Variants in ZPLD1 observed in about 807,000 individuals in gnomAD.
ZPLD1 encodes the protein zona pellucida like domain containing 1, also known as zona pellucida-like domain-containing protein 1.
Under a neutral mutation model 47.2 loss-of-function variants are expected in ZPLD1, and 34 were observed. The observed-to-expected ratio is 0.72, with a 90% CI of 0.55 to 0.96. ZPLD1 has a LOEUF of 0.96. Among genes scored for constraint, ZPLD1 ranks in the 40% least tolerant of loss-of-function variants. ZPLD1 has a pLI of 0.00. For synonymous variants in ZPLD1, 176 were observed against 186.2 expected (o/e 0.95, Z 0.45); for missense variants, 512 against 505.8 (o/e 1.01, Z -0.12).
At chr3:102,391,472 G>GT (rs1559737946) in intron 6 of ZPLD1, among the ~76,000 whole-genome samples, 1 of 152,014 alleles carries the variant, frequency 6.6e-6, no homozygotes, top group African/African-American at 2.4e-5. Context: ...ATGATATGAT[G>GT]TGATTTCTGA....
intron 7 of ZPLD1, among the ~76,000 whole-genome samples, chr3:102,416,793 G>C (rs542041679): frequency 6.6e-6 from 1 of 151,942 alleles, no homozygotes; most frequent in East Asian, 1.9e-4. Context: ...CACTATTCGT[G>C]GGTAGAATAG....
intron 6 of ZPLD1, among the ~76,000 whole-genome samples, chr3:102,386,353 C>T (rs1054234810): frequency 3.3e-5 from 5 of 150,958 alleles, no homozygotes; most frequent in African/African-American, 1.2e-4. Context: ...AACTTTTCCT[C>T]CAGGAATGCC....
chr3:102,470,346 C>A, intron 9 of ZPLD1, 48 bp from the exon 10 acceptor site: 1 of 1,491,800 alleles, frequency 6.7e-7, no homozygotes, highest in Non-Finnish European at 9.3e-7. Context: ...CATAAAGAAA[C>A]AATTCTGCGC....
chr3:102,427,836 G>A (rs917014368), intron 8 of ZPLD1, among the ~76,000 whole-genome samples: 1 of 152,120 alleles, frequency 6.6e-6, no homozygotes, highest in African/African-American at 2.4e-5. Flanking sequence ...GGCTCCAGAA[G>A]TTGTTGGCAG....
intron 7 of ZPLD1, among the ~76,000 whole-genome samples, chr3:102,397,506 C>A (rs1462497139): frequency 2.0e-5 from 3 of 151,970 alleles, no homozygotes. Context: ...AATCTAGGTG[C>A]CTTTCTCAGC....
rs752071849 is a variant in ZPLD1 at position 102,464,207 on chromosome 3, A to G, written c.717A>G (p.Pro239=). 25 of 1,613,266 alleles carry G rather than the reference A, an allele frequency of 1.5e-5. No homozygotes were observed. In the South Asian group the frequency reaches 2.6e-4, roughly 17 times the overall value. ...NVLMDYCYTT[P]SGNPNDDIRY... ...TAATGGATTATTGCTATACTACCCC[A>G]TCAGGAAACCCAAATGATGACATTC... Residue 239 remains proline (P), a synonymous_variant, in exon 8 of 12, where the codon CCA becomes CCG. Coordinates refer to ENST00000466937, the MANE Select transcript of ZPLD1 (RefSeq NM_001329788.2).
intron 8 of ZPLD1, among the ~76,000 whole-genome samples, chr3:102,424,322 G>T (rs1391839457): frequency 6.6e-6 from 1 of 151,782 alleles, no homozygotes; most frequent in East Asian, 1.9e-4. Context: ...TTCCTTCTAG[G>T]TATCTTCATA....
intron 6 of ZPLD1, among the ~76,000 whole-genome samples, chr3:102,459,045 G>A (rs1342969478): frequency 8.2e-6 from 1 of 121,314 alleles, no homozygotes; most frequent in African/African-American, 3.2e-5. Flanking sequence ...AGCCGAGATA[G>A]CACCACTGCA....
intron 6 of ZPLD1, among the ~76,000 whole-genome samples, chr3:102,389,575 G>A (rs1706472852): frequency 6.6e-6 from 1 of 152,098 alleles, no homozygotes; most frequent in African/African-American, 2.4e-5. Context: ...TAGTACCATG[G>A]CAGCATGTTT....
chr3:102,422,191 T>A (rs1706887999), intron 8 of ZPLD1, among the ~76,000 whole-genome samples: 1 of 152,004 alleles, frequency 6.6e-6, no homozygotes, highest in Non-Finnish European at 1.5e-5. Flanking sequence ...CTCTAGTAGC[T>A]CCTAAATACG....
chr3:102,473,518 G>A (rs1707715076), intron 10 of ZPLD1, among the ~76,000 whole-genome samples: 1 of 152,062 alleles, frequency 6.6e-6, no homozygotes, highest in Admixed American at 6.6e-5. Flanking sequence ...CACCAGCAGA[G>A]CCCCCAGAGG....
intron 7 of ZPLD1, among the ~76,000 whole-genome samples, chr3:102,415,688 AG>A (rs763191963): frequency 2.6e-5 from 4 of 151,928 alleles, no homozygotes; most frequent in Non-Finnish European, 4.4e-5. Flanking sequence ...CCCATAAGCA[AG>A]ATCCTAAAGT....
At chr3:102,428,497 CAAT>C (rs1400849520) in intron 8 of ZPLD1, among the ~76,000 whole-genome samples, 1 of 151,768 alleles carries the variant, frequency 6.6e-6, no homozygotes, top group Non-Finnish European at 1.5e-5. Context: ...TTAAAAAATT[CAAT>C]AATAATTTTT....
chr3:102,396,270 T>C (rs1238731158), intron 7 of ZPLD1, among the ~76,000 whole-genome samples: 1 of 152,190 alleles, frequency 6.6e-6, no homozygotes, highest in African/African-American at 2.4e-5. Flanking sequence ...ATTACCTGTT[T>C]GTAACAGTCT....
At chr3:102,438,373 G>A in intron 2 of ZPLD1, 107 bp from the exon 3 acceptor site, 4 of 719,726 alleles carry the variant, frequency 5.6e-6, no homozygotes, top group South Asian at 3.5e-5. Flanking sequence ...CTGCATGGAT[G>A]TAAACTGCTT....
chr3:102,443,109 T>C (rs1329800393), intron 3 of ZPLD1, among the ~76,000 whole-genome samples: 1 of 152,176 alleles, frequency 6.6e-6, no homozygotes, highest in Non-Finnish European at 1.5e-5. Flanking sequence ...CTTTCTGGCC[T>C]CTAAAGAAAT....
intron 6 of ZPLD1, among the ~76,000 whole-genome samples, chr3:102,389,607 C>G (rs1419175843): frequency 6.6e-6 from 1 of 152,050 alleles, no homozygotes; most frequent in Non-Finnish European, 1.5e-5. Context: ...CTCATTTGGA[C>G]CCTAGATATA....
intron 3 of ZPLD1, among the ~76,000 whole-genome samples, chr3:102,452,509 G>A (rs911608319): frequency 6.6e-6 from 1 of 151,980 alleles, no homozygotes; most frequent in Non-Finnish European, 1.5e-5. Flanking sequence ...CCTTATACTT[G>A]GGAAAATGCA....
chr3:102,438,336 A>G, intron 2 of ZPLD1, 144 bp from the exon 3 acceptor site: 3 of 582,692 alleles, frequency 5.1e-6, no homozygotes, highest in Non-Finnish European at 9.4e-6. Context: ...TACTACCGAT[A>G]ATCCTCAGTT....
Sources: gnomAD v4.1 joint callset for allele counts (sites outside exome capture counted in the v4.1 genomes callset) on GRCh38, gnomAD v4.1.1 for gene constraint, MANE v1.5 for transcripts, NCBI Gene and HGNC (gene_info 2026-07-23, HGNC 2026-07-21) for gene names.